The following GABRB1 variants were observed in gnomAD, a reference collection of about 807,000 sequenced individuals.
GABRB1 encodes gamma-aminobutyric acid receptor subunit beta-1.
In GABRB1, 17 loss-of-function variants were observed where a neutral mutation model predicts 51.6. That is an observed-to-expected ratio of 0.33 (90% CI 0.23 to 0.49). The LOEUF (loss-of-function observed/expected upper bound fraction) is 0.49. GABRB1 is among the 20% of genes least tolerant of loss of function. The probability of loss-of-function intolerance (pLI) is 0.99; values close to 1 mark genes in which losing one functional copy is unlikely to be tolerated. For synonymous variants in GABRB1, 247 were observed against 218.9 expected, an observed-to-expected ratio of 1.13 and a Z score of -1.14; for missense variants, 410 against 600.6, an observed-to-expected ratio of 0.68 and a Z score of 3.32.
At chr4:47,256,435 T>C (rs746345690) in intron 4 of GABRB1, among the ~76,000 whole-genome samples, 26 of 152,386 alleles carry the variant, frequency 1.7e-4, no homozygotes, top group Non-Finnish European at 3.4e-4. Context: ...TAATGTTTGC[T>C]ATTTTGCATT....
chr4:47,372,433 C>T (rs1307633045), intron 5 of GABRB1, among the ~76,000 whole-genome samples: 1 of 152,126 alleles, frequency 6.6e-6, no homozygotes, highest in East Asian at 1.9e-4. Context: ...CCAATTTTGG[C>T]CCCCACTGTG....
At chr4:47,245,498 T>C (rs370598029) in intron 4 of GABRB1, among the ~76,000 whole-genome samples, 8 of 152,044 alleles carry the variant, frequency 5.3e-5, no homozygotes, top group Non-Finnish European at 1.0e-4. Context: ...TAGTAAGGGA[T>C]TGGGGAGAAG....
At chr4:47,068,548 T>A (rs891541257) in intron 3 of GABRB1, among the ~76,000 whole-genome samples, 8 of 152,190 alleles carry the variant, frequency 5.3e-5, no homozygotes, top group African/African-American at 1.9e-4. Flanking sequence ...AATTTCAGTA[T>A]TTTTGTGTCT....
At chr4:47,065,254 C>A (rs1470287567) in intron 3 of GABRB1, among the ~76,000 whole-genome samples, 1 of 152,172 alleles carries the variant, frequency 6.6e-6, no homozygotes, top group East Asian at 1.9e-4. Flanking sequence ...CAATAACAAC[C>A]CTTCTTAATA....
chr4:47,027,629 A>T (rs1725143099), upstream of GABRB1, among the ~76,000 whole-genome samples: 1 of 151,638 alleles, frequency 6.6e-6, no homozygotes, highest in African/African-American at 2.4e-5. Flanking sequence ...CTATTAACAC[A>T]GGTTAAAATG....
At position 47,358,400 on chromosome 4, in the gene GABRB1, T is replaced by G. The variant is rs572207798; in HGVS notation, c.544+38191T>G. On this transcript the variant is annotated intron_variant, in intron 5 of 8. Transcript: ENST00000295454. Reference sequence around the variant, plus strand: ...GTGTGTGTATATATGTATATATATATATATAGAGAGAGAGAGAGTGAGAGA... The same window carrying G: ...GTGTGTGTATATATGTATATATATAGATATAGAGAGAGAGAGAGTGAGAGA... Among the ~76,000 whole-genome samples the G allele has an allele frequency of 4.7e-3, 717 of 151,322 alleles. 3 individuals carry two copies. Among genetic ancestry groups the G allele is most frequent in the African/African-American group, 0.013 (531 of 41,102 alleles).
At chr4:47,029,972 T>TTTC (rs1028541582), upstream of GABRB1, among the ~76,000 whole-genome samples, 2 of 152,140 alleles carry the variant, frequency 1.3e-5, no homozygotes, top group Non-Finnish European at 2.9e-5. Context: ...CTTCTCTTTT[T>TTTC]TTCTTCTTCT....
intron 1 of GABRB1, among the ~76,000 whole-genome samples, chr4:47,014,877 T>C (rs1724699022): frequency 6.9e-6 from 1 of 145,226 alleles, no homozygotes; most frequent in Admixed American, 7.2e-5. Context: ...TGGGAAACTA[T>C]AGTATTTAGT....
rs527917105 is a variant in GABRB1, at chr4:47,223,760, T to C, written c.461+62291T>C. Among the ~76,000 whole-genome samples the C allele has an allele frequency of 1.3e-5, 2 of 152,204 alleles. 1 individual carries two copies. Among genetic ancestry groups the C allele is most frequent in the South Asian group, 4.1e-4 (2 of 4,822 alleles). ...CCTGTTTAAAAATATATGTTCCATA[T>C]GTTTAGACTATGACATTAGAAAATA... On this transcript the variant is annotated intron_variant, in intron 4 of 8. Transcript: ENST00000295454.
At chr4:47,294,413 C>A (rs990931481) in intron 4 of GABRB1, among the ~76,000 whole-genome samples, 1 of 152,246 alleles carries the variant, frequency 6.6e-6, no homozygotes, top group Admixed American at 6.5e-5. Flanking sequence ...TAATACTGTG[C>A]TTTTGCCGAC....
intron 4 of GABRB1, among the ~76,000 whole-genome samples, chr4:47,253,253 A>G (rs1192974098): frequency 1.3e-5 from 2 of 152,228 alleles, no homozygotes; most frequent in East Asian, 1.9e-4. Context: ...TGAAGAATTT[A>G]AAAAGGAAGA....
intron 4 of GABRB1, among the ~76,000 whole-genome samples, chr4:47,200,717 G>C (rs1184794135): frequency 1.3e-5 from 2 of 152,124 alleles, no homozygotes; most frequent in Non-Finnish European, 2.9e-5. Context: ...ATAGTTGTTC[G>C]AATATGTGCT....
chr4:47,301,062 C>A (rs960741647), intron 4 of GABRB1, among the ~76,000 whole-genome samples: 3 of 151,690 alleles, frequency 2.0e-5, no homozygotes, highest in Admixed American at 6.6e-5. Context: ...TATAAGCAAA[C>A]CAGAAACAAA....
intron 3 of GABRB1, among the ~76,000 whole-genome samples, chr4:47,110,727 T>A (rs1262692582): frequency 6.6e-6 from 1 of 152,208 alleles, no homozygotes; most frequent in East Asian, 1.9e-4. Context: ...TCTTCTTTGA[T>A]ATTGATAGGC....
chr4:47,103,081 T>A (rs1714791664), intron 3 of GABRB1, among the ~76,000 whole-genome samples: 1 of 151,946 alleles, frequency 6.6e-6, no homozygotes, highest in African/African-American at 2.4e-5. Flanking sequence ...CTGAGACAGA[T>A]GTGTGGCAGT....
At chr4:47,387,337 T>C (rs984794796) in intron 5 of GABRB1, among the ~76,000 whole-genome samples, 2 of 152,108 alleles carry the variant, frequency 1.3e-5, no homozygotes, top group African/African-American at 4.8e-5. Flanking sequence ...TTTTTTATGG[T>C]GTTATGCACT....
chr4:47,203,845 A>G (rs1368030851), intron 4 of GABRB1, among the ~76,000 whole-genome samples: 3 of 151,800 alleles, frequency 2.0e-5, no homozygotes, highest in Non-Finnish European at 4.4e-5. Flanking sequence ...TCACAGCCCT[A>G]CTCTTGGAAC....
At chr4:47,117,758 T>C (rs550649412) in intron 3 of GABRB1, among the ~76,000 whole-genome samples, 57 of 152,344 alleles carry the variant, frequency 3.7e-4, no homozygotes, top group African/African-American at 1.3e-3. Flanking sequence ...AGGTTGGTTA[T>C]GAAATACGCT....
chr4:47,335,061 G>A (rs912863217), intron 5 of GABRB1, among the ~76,000 whole-genome samples: 12 of 152,086 alleles, frequency 7.9e-5, no homozygotes, highest in African/African-American at 2.9e-4. Flanking sequence ...TTAGGACATA[G>A]GTGTTTTTCT....
Sources: gnomAD v4.1 joint callset for allele counts (sites outside exome capture counted in the v4.1 genomes callset) on GRCh38, gnomAD v4.1.1 for gene constraint, MANE v1.5 for transcripts, NCBI Gene and HGNC (gene_info 2026-07-23, HGNC 2026-07-21) for gene names.